Variants in FHIT observed in about 807,000 individuals in gnomAD.
FHIT encodes the protein bis(5'-adenosyl)-triphosphatase.
A neutral mutation model predicts 17.9 loss-of-function variants in FHIT; 19 were observed. That is an observed-to-expected ratio of 1.06 (90% CI 0.74 to 1.56). FHIT has a LOEUF of 1.56. FHIT is among the 40% of genes most tolerant of loss of function. The probability of loss-of-function intolerance (pLI) is 0.00; values close to 1 mark genes in which losing one functional copy is unlikely to be tolerated. For missense variants in FHIT, 248 were observed against 189.2 expected (o/e 1.31, Z -1.82); for synonymous variants, 81 against 69.7 (o/e 1.16, Z -0.81).
At chr3:60,867,605 C>A (rs1704222584) in intron 3 of FHIT, among the ~76,000 whole-genome samples, 1 of 152,212 alleles carries the variant, frequency 6.6e-6, no homozygotes, top group Non-Finnish European at 1.5e-5. Context: ...CTGCACATCT[C>A]AGCCTCTTAT....
intron 3 of FHIT, among the ~76,000 whole-genome samples, chr3:60,989,049 T>C (rs1275803840): frequency 1.3e-5 from 2 of 150,762 alleles, no homozygotes; most frequent in Admixed American, 6.6e-5. Context: ...GATACACCTA[T>C]AGTGTTGGAA....
rs75365614 is a variant in FHIT at position 60,464,217 on chromosome 3, T to A, written c.103+72643A>T. ...CTAGGTTCCCCTGCATTCATTTTTT[T>A]AAAAAATTGTTGTGGGTACATATAA... is the stretch of plus-strand genomic sequence containing the variant. On this transcript the variant is annotated intron_variant, in intron 5 of 9. Transcript: ENST00000492590. 9.7e-3 allele frequency among the ~76,000 whole-genome samples: 1,474 copies of A among 152,262 alleles called. 15 individuals carry two copies. The highest frequency in any genetic ancestry group is 0.038 in the East Asian group (197 of 5,176).
At chr3:60,700,538 T>C (rs2041222086) in intron 4 of FHIT, among the ~76,000 whole-genome samples, 1 of 147,892 alleles carries the variant, frequency 6.8e-6, no homozygotes, top group Non-Finnish European at 1.5e-5. Context: ...ATGTTATTTG[T>C]CTTGATTTTT....
At chr3:61,095,157 A>ACTACTAGTAAT (rs2035600649) in intron 2 of FHIT, among the ~76,000 whole-genome samples, 1 of 152,204 alleles carries the variant, frequency 6.6e-6, no homozygotes, top group Non-Finnish European at 1.5e-5. Flanking sequence ...CAATTAATCT[A>ACTACTAGTAAT]TCCATTTACT....
At chr3:60,337,042 C>T (rs1420063607) in intron 5 of FHIT, among the ~76,000 whole-genome samples, 1 of 152,106 alleles carries the variant, frequency 6.6e-6, no homozygotes, top group African/African-American at 2.4e-5. Flanking sequence ...CAAACTACAA[C>T]ACAGACCAAA....
At chr3:60,680,738 G>A (rs782547623) in intron 4 of FHIT, among the ~76,000 whole-genome samples, 1 of 152,036 alleles carries the variant, frequency 6.6e-6, no homozygotes, top group South Asian at 2.1e-4. Flanking sequence ...GACAACACAC[G>A]AAACACCCAT....
chr3:61,009,678 T>C (rs6773775), intron 3 of FHIT, among the ~76,000 whole-genome samples: 43,527 of 152,008 alleles, frequency 0.29, 7,559 homozygotes, highest in African/African-American at 0.49. Flanking sequence ...ATGGAGTACA[T>C]GTTTGAAAAT....
At chr3:61,249,404 T>A (rs1298436359) in intron 1 of FHIT, among the ~76,000 whole-genome samples, 2 of 152,188 alleles carry the variant, frequency 1.3e-5, no homozygotes, top group Admixed American at 1.3e-4. Flanking sequence ...AATTAAATGA[T>A]CTCAAAGGTT....
At chr3:59,796,403 T>A (rs933834891) in intron 8 of FHIT, among the ~76,000 whole-genome samples, 8 of 152,166 alleles carry the variant, frequency 5.3e-5, no homozygotes, top group Non-Finnish European at 1.2e-4. Flanking sequence ...CCTGTGACAC[T>A]CTGTTTCCAG....
chr3:60,319,072 T>C (rs936502025), intron 5 of FHIT, among the ~76,000 whole-genome samples: 4 of 152,092 alleles, frequency 2.6e-5, no homozygotes, highest in African/African-American at 7.2e-5. Context: ...ACCCACCCAC[T>C]TTATCCAGGA....
chr3:60,485,518 C>A (rs1251423191), intron 5 of FHIT, among the ~76,000 whole-genome samples: 1 of 152,108 alleles, frequency 6.6e-6, no homozygotes, highest in East Asian at 1.9e-4. Flanking sequence ...ATGGAAGAAG[C>A]TGGAAGCCAT....
chr3:60,279,272 A>G (rs1707313362), intron 5 of FHIT, among the ~76,000 whole-genome samples: 1 of 152,166 alleles, frequency 6.6e-6, no homozygotes, highest in Non-Finnish European at 1.5e-5. Flanking sequence ...CTGTGATCTC[A>G]AATTTGATAA....
intron 5 of FHIT, among the ~76,000 whole-genome samples, chr3:60,119,126 T>C (rs1457003188): frequency 6.6e-6 from 1 of 151,906 alleles, no homozygotes; most frequent in Non-Finnish European, 1.5e-5. Flanking sequence ...CAGGCTGGAG[T>C]GCAATGGCAC....
At chr3:60,182,927 G>GA (rs891939904) in intron 5 of FHIT, among the ~76,000 whole-genome samples, 1 of 147,052 alleles carries the variant, frequency 6.8e-6, no homozygotes, top group African/African-American at 2.5e-5. Flanking sequence ...AAAAAAAAAA[G>GA]AAAAAAAAGA....
intron 5 of FHIT, among the ~76,000 whole-genome samples, chr3:60,445,751 C>T (rs1288498727): frequency 6.6e-6 from 1 of 150,610 alleles, no homozygotes; most frequent in Non-Finnish European, 1.5e-5. Context: ...AAGACAAAGA[C>T]ACAGATGTGA....
rs1707981839 is a variant in FHIT, at chr3:59,967,520, C to T, written c.279+43851G>A. 5.3e-5 allele frequency among the ~76,000 whole-genome samples: 8 copies of T among 152,132 alleles called. 1 individual carries two copies. The highest frequency in any genetic ancestry group is 5.2e-4 in the Admixed American group (8 of 15,250). On this transcript the variant is annotated intron_variant, in intron 7 of 9. Transcript: ENST00000492590. ...GCTCCATTATAATCTTATAGGGCCA[C>T]CTTCATACATGCGGTCTGTGGTTGA...
chr3:61,117,853 G>C (rs527558278), intron 2 of FHIT, among the ~76,000 whole-genome samples: 1 of 152,256 alleles, frequency 6.6e-6, no homozygotes, highest in Non-Finnish European at 1.5e-5. Flanking sequence ...GCCTAGCTCA[G>C]TGTCTGGCCC....
chr3:60,418,557 CT>C (rs11452248), intron 5 of FHIT, among the ~76,000 whole-genome samples: 161 of 95,220 alleles, frequency 1.7e-3, no homozygotes, highest in East Asian at 5.3e-3. Flanking sequence ...TCCCTCCCAA[CT>C]TTTTTTTTTT....
chr3:59,831,337 TG>T (rs1701156430), intron 8 of FHIT, among the ~76,000 whole-genome samples: 1 of 152,162 alleles, frequency 6.6e-6, no homozygotes, highest in Non-Finnish European at 1.5e-5. Flanking sequence ...GCCATGTGCT[TG>T]CCAGTCTACT....
Sources: gnomAD v4.1 joint callset for allele counts (sites outside exome capture counted in the v4.1 genomes callset) on GRCh38, gnomAD v4.1.1 for gene constraint, MANE v1.5 for transcripts, NCBI Gene and HGNC (gene_info 2026-07-23, HGNC 2026-07-21) for gene names.